PCDHA13: variants seen among roughly 807,000 people sequenced by gnomAD.
The protein encoded by PCDHA13 is protocadherin alpha 13.
In PCDHA13, 54 loss-of-function variants were observed where a neutral mutation model predicts 64.8. That is an observed-to-expected ratio of 0.83 (90% CI 0.67 to 1.04). The LOEUF is 1.04. Among genes scored for constraint, PCDHA13 ranks in the 50% least tolerant of loss-of-function variants. The pLI, the probability that PCDHA13 is intolerant of heterozygous loss-of-function variation, is 0.00. For synonymous variants in PCDHA13, 587 were observed against 564.4 expected (o/e 1.04, Z -0.57); for missense variants, 1,248 against 1,254.3 (o/e 0.99, Z 0.08).
chr5:140,935,921 C>G (rs1480748257), intron 1 of PCDHA13, among the ~76,000 whole-genome samples: 2 of 129,532 alleles, frequency 1.5e-5, no homozygotes, highest in African/African-American at 5.8e-5. Context: ...GAGACAGATT[C>G]TCATTCTGTT....
intron 1 of PCDHA13, among the ~76,000 whole-genome samples, chr5:140,926,099 T>C (rs1364046229): frequency 6.6e-6 from 1 of 152,162 alleles, no homozygotes; most frequent in Non-Finnish European, 1.5e-5. Context: ...GCTCCTGGGA[T>C]ACAAGAGGGT....
In PCDHA13 at chr5:141,011,816, A is replaced by G. The variant is rs1382441831; in HGVS notation, c.*1879A>G. The G allele has an allele frequency of 1.3e-5, 2 of 153,794 alleles. No homozygotes were observed. Among genetic ancestry groups the G allele is most frequent in the Admixed American group, 1.3e-4 (2 of 15,280 alleles). The allele number at this position is 153,794 out of a possible 1,614,324, so 9.5% of individuals were successfully genotyped here. On this transcript the variant is annotated 3_prime_UTR_variant, in exon 4 of 4. Transcript: ENST00000289272. ...TCTGAAATATCAGCTCATAGAAAGT[A>G]ACAAAATTTGCTGTCACCTTAAATA...
Position 140,884,501 on chromosome 5 carries a change from G to A in PCDHA13, c.2233G>A (p.Ala745Thr). The change falls in exon 1 of 4, where the codon GCA (alanine) becomes ACA (threonine). Residue 745 changes from alanine (A) to threonine (T), a missense_variant. Ala to Thr is a moderately conservative substitution (Grantham distance 58, BLOSUM62 0). Transcript: ENST00000289272. ...GKPTLVCSSA[A>T]GSWSYSQQRR... Reference sequence around the variant, plus strand: ...GCCCACTCTAGTGTGCTCCAGCGCGGCAGGGAGTTGGTCGTACTCGCAGCA... The same window carrying A: ...GCCCACTCTAGTGTGCTCCAGCGCGACAGGGAGTTGGTCGTACTCGCAGCA... The A allele has an allele frequency of 1.9e-6, 3 of 1,614,146 alleles. No homozygotes were observed. The highest frequency in any genetic ancestry group is 1.6e-4 in the Middle Eastern group (1 of 6,062).
intron 3 of PCDHA13, among the ~76,000 whole-genome samples, chr5:141,007,174 G>A (rs926344346): frequency 6.6e-6 from 1 of 152,118 alleles, no homozygotes; most frequent in African/African-American, 2.4e-5. Context: ...AGAGAGAAAG[G>A]TCAGGAGAAT....
At chr5:140,934,508 C>G (rs2089875994) in intron 1 of PCDHA13, among the ~76,000 whole-genome samples, 1 of 152,096 alleles carries the variant, frequency 6.6e-6, no homozygotes, top group African/African-American at 2.4e-5. Flanking sequence ...CCCAAAGGGT[C>G]CATAGACCAC....
At chr5:140,949,991 A>T (rs1585353048) in intron 1 of PCDHA13, among the ~76,000 whole-genome samples, 1 of 151,822 alleles carries the variant, frequency 6.6e-6, no homozygotes, top group East Asian at 1.9e-4. Flanking sequence ...AACTTTTCTC[A>T]GTCCACTTAA....
At chr5:140,965,237 G>A (rs2095882583) in intron 1 of PCDHA13, among the ~76,000 whole-genome samples, 1 of 152,204 alleles carries the variant, frequency 6.6e-6, no homozygotes, top group African/African-American at 2.4e-5. Context: ...AACCTGGGAA[G>A]AGTGAATATT....
intron 1 of PCDHA13, among the ~76,000 whole-genome samples, chr5:140,958,822 A>G (rs1554223658): frequency 6.6e-6 from 1 of 152,146 alleles, no homozygotes; most frequent in Non-Finnish European, 1.5e-5. Context: ...TTTAATTTTT[A>G]TATCTTAAAG....
intron 1 of PCDHA13, among the ~76,000 whole-genome samples, chr5:140,920,124 G>A (rs1261931835): frequency 2.6e-5 from 4 of 152,152 alleles, no homozygotes; most frequent in African/African-American, 4.8e-5. Flanking sequence ...AACATCTTGA[G>A]TTTTAATTCT....
At chr5:140,996,933 T>G (rs2097753695) in intron 3 of PCDHA13, among the ~76,000 whole-genome samples, 1 of 152,186 alleles carries the variant, frequency 6.6e-6, no homozygotes, top group African/African-American at 2.4e-5. Flanking sequence ...ATATAGCATT[T>G]TTGCATAGAA....
intron 3 of PCDHA13, among the ~76,000 whole-genome samples, chr5:140,996,371 C>G (rs1183587138): frequency 6.6e-6 from 1 of 152,126 alleles, no homozygotes; most frequent in Admixed American, 6.6e-5. Context: ...ATTTTGTTGT[C>G]GGCTGAAATA....
chr5:140,970,641 T>C (rs1430565577), intron 1 of PCDHA13, among the ~76,000 whole-genome samples: 1 of 152,170 alleles, frequency 6.6e-6, no homozygotes, highest in African/African-American at 2.4e-5. Context: ...GTACCATAAA[T>C]AGTGATGAAT....
Position 140,883,667 on chromosome 5 carries a change from A to G in PCDHA13, c.1399A>G (p.Asn467Asp). 1 of 1,613,568 alleles carries G rather than the reference A, an allele frequency of 6.2e-7. No homozygotes were observed. ...QPEYTVFVKENNPPGCHIFTV... is the reference protein window; with the variant it reads ...QPEYTVFVKEDNPPGCHIFTV... ...CGAGTACACGGTGTTCGTGAAGGAA[A>G]ACAATCCGCCGGGCTGCCACATCTT... The change falls in exon 1 of 4, where the codon AAC (asparagine) becomes GAC (aspartate). Residue 467 changes from asparagine to aspartate, a missense_variant. Coordinates refer to ENST00000289272, the MANE Select transcript of PCDHA13 (RefSeq NM_018904.3).
rs143182337 is a variant in PCDHA13 at position 140,938,958 on chromosome 5, G to A, written c.2395-39991G>A. On this transcript the variant is annotated intron_variant, in intron 1 of 3. Coordinates refer to ENST00000289272, the MANE Select transcript of PCDHA13 (RefSeq NM_018904.3). ...TTTCCATTCTTATAATGCTCTAGTC[G>A]GAGTTTGGCATCAAGGCTATCCTGG... 3.2e-3 allele frequency among the ~76,000 whole-genome samples: 486 copies of A among 152,204 alleles called. 2 individuals carry two copies. Among genetic ancestry groups the A allele is most frequent in the Middle Eastern group, 0.014 (4 of 294 alleles).
At chr5:140,888,956 G>T (rs1043287613) in intron 1 of PCDHA13, among the ~76,000 whole-genome samples, 2 of 151,722 alleles carry the variant, frequency 1.3e-5, no homozygotes, top group Non-Finnish European at 2.9e-5. Flanking sequence ...TTTTTCTTTG[G>T]CAATGTTAAT....
chr5:140,992,270 G>A (rs115480506), intron 3 of PCDHA13, among the ~76,000 whole-genome samples: 186 of 152,264 alleles, frequency 1.2e-3, no homozygotes, highest in African/African-American at 4.1e-3. Flanking sequence ...AGTTCTTTTC[G>A]TAGCACATCC....
At chr5:140,976,523 C>T in intron 1 of PCDHA13, among the ~76,000 whole-genome samples, 1 of 151,724 alleles carries the variant, frequency 6.6e-6, no homozygotes. Flanking sequence ...TGCACACCAG[C>T]CTAAATGACA....
chr5:140,940,502 G>A (rs182744023), intron 1 of PCDHA13, among the ~76,000 whole-genome samples: 2 of 151,906 alleles, frequency 1.3e-5, no homozygotes, highest in Admixed American at 6.5e-5. Context: ...TTGCTCCGTC[G>A]CTCAGGCGTG....
At chr5:140,982,159 G>A (rs1466298378) in intron 2 of PCDHA13, among the ~76,000 whole-genome samples, 1 of 152,262 alleles carries the variant, frequency 6.6e-6, no homozygotes, top group African/African-American at 2.4e-5. Flanking sequence ...GTATCGAGAT[G>A]TTAAAATGGC....
Sources: gnomAD v4.1 joint callset for allele counts (sites outside exome capture counted in the v4.1 genomes callset) on GRCh38, gnomAD v4.1.1 for gene constraint, MANE v1.5 for transcripts, NCBI Gene and HGNC (gene_info 2026-07-23, HGNC 2026-07-21) for gene names.